FCRL5: variants seen among roughly 807,000 people sequenced by gnomAD.
FCRL5 encodes Fc receptor like 5.
FCRL5 carries 79 observed loss-of-function variants against 92.1 expected under a neutral mutation model. The ratio of observed to expected loss-of-function variants is 0.86; its 90% CI spans 0.72 to 1.03. The LOEUF is 1.03. Among genes scored for constraint, FCRL5 ranks in the 50% least tolerant of loss-of-function variants. The pLI is 0.00. For missense variants in FCRL5, 1,160 were observed against 1,181.1 expected, an observed-to-expected ratio of 0.98 and a Z score of 0.26; for synonymous variants, 466 against 469.3, an observed-to-expected ratio of 0.99 and a Z score of 0.09.
intron 11 of FCRL5, 85 bp from the exon 12 acceptor site, chr1:157,520,632 C>G (rs1650136966): frequency 9.6e-7 from 1 of 1,039,366 alleles, no homozygotes; most frequent in Non-Finnish European, 1.4e-6. Context: ...CTGGGCCTGA[C>G]GGTGAACCTA....
chr1:157,524,665 G>T, intron 9 of FCRL5, 108 bp from the exon 10 acceptor site: 1 of 1,230,658 alleles, frequency 8.1e-7, no homozygotes, highest in Non-Finnish European at 1.1e-6. Context: ...TAATGCCCTT[G>T]TGACATTACT....
At chr1:157,551,467 T>G (rs1181867236) in intron 1 of FCRL5, among the ~76,000 whole-genome samples, 1 of 152,250 alleles carries the variant, frequency 6.6e-6, no homozygotes, top group Non-Finnish European at 1.5e-5. Flanking sequence ...TGAATACAGT[T>G]TATTATCTGC....
chr1:157,518,921 G>A lies in FCRL5; in HGVS notation c.2661-139C>T, dbSNP rs1321569344. 5 of 592,094 alleles carry A rather than the reference G, an allele frequency of 8.4e-6. No homozygotes were observed. In the East Asian group the frequency reaches 1.1e-4, roughly 13 times the overall value. The allele number at this position is 592,094 out of a possible 1,614,324, so 36.7% of individuals were successfully genotyped here. A position where few individuals can be genotyped will look rare whatever the true frequency, so the allele number is the denominator to read the frequency against. ...AACAAGTACATAACAAACTGACCAT[G>A]GGCATTCTATTATGAATCATAATCA... On this transcript the variant is annotated intron_variant, in intron 13 of 16. Transcript: ENST00000361835.
In FCRL5 at chr1:157,542,864, A is replaced by C. The variant is rs368362190; in HGVS notation, c.1118T>G (p.Val373Gly). The change falls in exon 6 of 17, where the codon GTC becomes GGC. Residue 373 changes from valine to glycine, a missense_variant. Physicochemically the swap from Val to Gly is moderately radical, Grantham distance 109 (BLOSUM62 -3). Coordinates refer to ENST00000361835, the MANE Select transcript of FCRL5 (RefSeq NM_031281.3). ...GGCAGGAATGCAGGGCTTACCAGTG[A>C]CTGAGAGGCTCACAGCCTTACTGGG... is the stretch of plus-strand genomic sequence containing the variant. ...AKPSKAVSLS[V>G]TVPVSHPVLN... The C allele has an allele frequency of 7.4e-6, 12 of 1,611,248 alleles. No homozygotes were observed. Among genetic ancestry groups the C allele is most frequent in the Non-Finnish European group, 9.3e-6 (11 of 1,178,842 alleles).
At chr1:157,539,850 T>C (rs144384087) in intron 6 of FCRL5, among the ~76,000 whole-genome samples, 1 of 152,360 alleles carries the variant, frequency 6.6e-6, no homozygotes, top group South Asian at 2.1e-4. Context: ...TGCTAAAGGT[T>C]GATCAAAGAC....
At chr1:157,526,827 A>C (rs1159424090) in intron 9 of FCRL5, among the ~76,000 whole-genome samples, 1 of 152,018 alleles carries the variant, frequency 6.6e-6, no homozygotes, top group Admixed American at 6.6e-5. Flanking sequence ...CGCAAGCAGA[A>C]GGCCAGGGGG....
intron 1 of FCRL5, among the ~76,000 whole-genome samples, chr1:157,551,605 G>C (rs1190163184): frequency 6.6e-6 from 1 of 152,206 alleles, no homozygotes; most frequent in Non-Finnish European, 1.5e-5. Context: ...CATAGACGTA[G>C]TGTCTCCTAT....
At chr1:157,534,151 G>T in intron 8 of FCRL5, 1 of 369,540 alleles carries the variant, frequency 2.7e-6, no homozygotes, top group Non-Finnish European at 5.1e-6. Context: ...GAAGTTTGAG[G>T]AGTTGGTTCC....
chr1:157,519,619 T>G, intron 13 of FCRL5, 124 bp downstream of exon 13: 2 of 1,037,772 alleles, frequency 1.9e-6, no homozygotes. Context: ...CAACAGGTAG[T>G]GGCCACACCC....
rs959117584 is a variant in FCRL5 at position 157,513,433 on chromosome 1, T to A, written c.*2242A>T. ...GCTCTTGTGACTGTAGAGGCTGACA[T>A]ATCTCAAGATCTGCAGTCAGCAAGC... On this transcript the variant is annotated 3_prime_UTR_variant, in exon 17 of 17. Transcript: ENST00000361835. 1.3e-5 allele frequency: 2 copies of A among 152,246 alleles called. No individual in the cohort carries two copies. Among genetic ancestry groups the A allele is most frequent in the Non-Finnish European group, 2.9e-5 (2 of 68,048 alleles). The allele number at this position is 152,246 out of a possible 1,614,324, so 9.4% of individuals were successfully genotyped here.
At chr1:157,549,484 C>T in intron 2 of FCRL5, 76 bp downstream of exon 2, 1 of 1,353,012 alleles carries the variant, frequency 7.4e-7, no homozygotes, top group East Asian at 2.3e-5. Flanking sequence ...AGGCAGCCAT[C>T]ACAAATGTTT....
rs747781879 is a variant in FCRL5, at chr1:157,539,100, C to G, written c.1388G>C (p.Ser463Thr). The stretch of plus-strand genomic sequence containing the variant: ...CCAGGGCTTACCAGTGACGGAGAGG[C>G]TCACCGCCTTACTGCGCTGGGGGCC... ...GFGPQRSKAV[S>T]LSVTVPVSHP... is the part of the protein sequence containing the mutation. The change falls in exon 7 of 17, where the codon AGC (serine) becomes ACC (threonine). Residue 463 changes from serine (S) to threonine (T), a missense_variant. By Grantham distance (58) the Ser-to-Thr change is moderately conservative. Transcript: ENST00000361835. 1.2e-6 allele frequency: 2 copies of G among 1,613,364 alleles called. No individual in the cohort carries two copies. Among genetic ancestry groups the G allele is most frequent in the South Asian group, 2.2e-5 (2 of 90,984 alleles).
In FCRL5 at chr1:157,547,046, T is replaced by C; in HGVS notation, c.204A>G (p.Arg68=). The C allele has an allele frequency of 1.2e-6, 2 of 1,614,204 alleles. No individual in the cohort carries two copies. The highest frequency in any genetic ancestry group is 8.5e-7 in the Non-Finnish European group (1 of 1,180,046). ...YHRYLGKEIL[R]ETPDNILEVQ... ...CCTCAAGGATATTGTCTGGGGTTTC[T>C]CTTAGTATTTCTTTCCCAAGGTACC... Residue 68 remains arginine, a synonymous_variant, in exon 3 of 17, where the codon AGA becomes AGG. Coordinates refer to ENST00000361835, the MANE Select transcript of FCRL5 (RefSeq NM_031281.3).
chr1:157,549,722 GTA>G, intron 1 of FCRL5, 142 bp from the exon 2 acceptor site: 2 of 591,572 alleles, frequency 3.4e-6, no homozygotes, highest in Non-Finnish European at 5.9e-6. Context: ...TTCATCAAAT[GTA>G]TATATATACA....
At chr1:157,524,056 G>T in intron 10 of FCRL5, 1 of 509,366 alleles carries the variant, frequency 2.0e-6, no homozygotes, top group East Asian at 2.9e-5. Context: ...TTTTAGTGAG[G>T]TGCTTTGATC....
intron 8 of FCRL5, chr1:157,534,001 A>C: frequency 6.0e-6 from 1 of 165,868 alleles, no homozygotes; most frequent in Non-Finnish European, 1.3e-5. Flanking sequence ...TAGCTCCTAA[A>C]AAGACACCAA....
At chr1:157,547,957 G>T (rs975725979) in intron 2 of FCRL5, among the ~76,000 whole-genome samples, 14 of 152,204 alleles carry the variant, frequency 9.2e-5, no homozygotes, top group African/African-American at 3.4e-4. Flanking sequence ...CCCAGTTATT[G>T]GATGTCCTGG....
intron 1 of FCRL5, 40 bp from the exon 2 acceptor site, chr1:157,549,620 G>T (rs1330092355): frequency 1.9e-6 from 3 of 1,594,856 alleles, no homozygotes; most frequent in East Asian, 2.2e-5. Flanking sequence ...ACAGAACCAT[G>T]ATTATTTTGT....
At chr1:157,532,789 T>G (rs1327865608) in intron 8 of FCRL5, 2 of 152,206 alleles carry the variant, frequency 1.3e-5, no homozygotes, top group African/African-American at 4.8e-5. Flanking sequence ...TACAAAGGTC[T>G]TTGACGAGTC....
Sources: allele counts gnomAD v4.1 joint callset (sites outside exome capture counted in the v4.1 genomes callset), GRCh38; gene constraint gnomAD v4.1.1; transcripts MANE v1.5; gene names NCBI Gene and HGNC (gene_info 2026-07-23, HGNC 2026-07-21).